The following MTMR3 variants were observed in gnomAD, a reference collection of about 807,000 sequenced individuals.
MTMR3 encodes myotubularin related protein 3, also known as phosphatidylinositol-3,5-bisphosphate 3-phosphatase MTMR3.
A neutral mutation model predicts 132.4 loss-of-function variants in MTMR3; 32 were observed. That is an observed-to-expected ratio of 0.24 (90% confidence interval 0.18 to 0.32). MTMR3 has a LOEUF of 0.32. Among genes scored for constraint, MTMR3 ranks in the 10% least tolerant of loss-of-function variants. MTMR3 has a pLI of 1.00. For missense variants in MTMR3, 1,216 were observed against 1,489.6 expected, an observed-to-expected ratio of 0.82 and a Z score of 3.02; for synonymous variants, 556 against 550.3, an observed-to-expected ratio of 1.01 and a Z score of -0.14.
At chr22:29,994,449 A>G (rs896092169) in intron 7 of MTMR3, 4 of 151,182 alleles carry the variant, frequency 2.6e-5, no homozygotes, top group Non-Finnish European at 4.4e-5. Flanking sequence ...TTCTTTTGTC[A>G]TTACCTCATG....
At chr22:30,016,411 C>G in intron 14 of MTMR3, 117 bp from the exon 15 acceptor site, 1 of 1,215,146 alleles carries the variant, frequency 8.2e-7, no homozygotes, top group South Asian at 1.5e-5. Context: ...GTTCCCCGTC[C>G]TGACAGAGTA....
At chr22:29,884,259 CAAACA>C (rs3049965) in intron 1 of MTMR3, among the ~76,000 whole-genome samples, 130 of 151,782 alleles carry the variant, frequency 8.6e-4, no homozygotes, top group African/African-American at 2.0e-3. Context: ...ACAACCCAAA[CAAACA>C]AAACAAAACA....
chr22:29,998,994 T>A, intron 8 of MTMR3, 137 bp downstream of exon 8: 1 of 539,302 alleles, frequency 1.9e-6, no homozygotes, highest in Non-Finnish European at 3.2e-6. Context: ...GGCATGATCT[T>A]CAGAGTATTT....
chr22:29,902,208 T>TA (rs1159415886), intron 1 of MTMR3, among the ~76,000 whole-genome samples: 1 of 152,174 alleles, frequency 6.6e-6, no homozygotes, highest in Non-Finnish European at 1.5e-5. Flanking sequence ...TAAATAATCT[T>TA]ATAATATAAA....
In MTMR3 at chr22:29,999,101, G is replaced by C. The variant is rs930969095; in HGVS notation, c.557+244G>C. ...TCCCTTTTACCCCCTCTAGGCCTCT[G>C]TTTTTTCTGGTACATGCATGTCTAA... On this transcript the variant is annotated intron_variant, in intron 8 of 19. Coordinates refer to ENST00000401950, the MANE Select transcript of MTMR3 (RefSeq NM_021090.4). 4 of 254,920 alleles carry C rather than the reference G, an allele frequency of 1.6e-5. No individual in the cohort carries two copies. The Admixed American group carries it at 1.6e-4, about 10-fold the overall frequency. The allele number at this position is 254,920 out of a possible 1,614,324, so 15.8% of individuals were successfully genotyped here.
At chr22:29,984,151 C>T (rs1351926277) in intron 5 of MTMR3, 2 of 151,814 alleles carry the variant, frequency 1.3e-5, no homozygotes, top group African/African-American at 2.4e-5. Flanking sequence ...GATTTTTGTG[C>T]CCAGATATTC....
chr22:30,017,432 C>CT (rs1171882204), intron 15 of MTMR3: 2 of 159,528 alleles, frequency 1.3e-5, no homozygotes, highest in Admixed American at 1.3e-4. Context: ...TGTCTCTCCC[C>CT]TTCAGTGTGC....
intron 1 of MTMR3, among the ~76,000 whole-genome samples, chr22:29,935,897 C>T (rs541330514): frequency 4.6e-5 from 7 of 152,098 alleles, no homozygotes; most frequent in African/African-American, 1.2e-4. Flanking sequence ...GGACTATAGG[C>T]GCCCGCCACC....
chr22:30,001,834 T>C (rs1187781942), intron 8 of MTMR3: 3 of 152,208 alleles, frequency 2.0e-5, no homozygotes, highest in African/African-American at 7.2e-5. Flanking sequence ...TTCTCTTTTG[T>C]TCAGTGGCTT....
intron 2 of MTMR3, among the ~76,000 whole-genome samples, chr22:29,959,757 T>TA (rs1311861689): frequency 7.0e-6 from 1 of 142,598 alleles, no homozygotes; most frequent in African/African-American, 2.5e-5. Context: ...GTAAAAGTGT[T>TA]AATTTTTTTT....
chr22:29,885,081 C>G (rs2064644978), intron 1 of MTMR3, among the ~76,000 whole-genome samples: 3 of 152,162 alleles, frequency 2.0e-5, no homozygotes, highest in Non-Finnish European at 2.9e-5. Context: ...TTTCTCAGCT[C>G]ATAGGCCAGG....
intron 19 of MTMR3, 136 bp from the exon 20 acceptor site, chr22:30,025,494 A>G (rs1026343886): frequency 7.0e-6 from 6 of 852,806 alleles, no homozygotes; most frequent in Middle Eastern, 2.5e-4. Context: ...CCTGGGCTAG[A>G]GAGATGAAAG....
intron 2 of MTMR3, among the ~76,000 whole-genome samples, chr22:29,965,253 TTGAC>T (rs769293671): frequency 2.0e-5 from 3 of 152,012 alleles, no homozygotes; most frequent in East Asian, 1.9e-4. Context: ...TTGGTAAATT[TTGAC>T]TGACTGCAGT....
chr22:30,001,711 AG>A, intron 8 of MTMR3: 1 of 152,208 alleles, frequency 6.6e-6, no homozygotes, highest in Non-Finnish European at 1.5e-5. Context: ...TACATAATAA[AG>A]GGAATGAGAT....
intron 1 of MTMR3, among the ~76,000 whole-genome samples, chr22:29,943,055 T>C (rs946086801): frequency 1.3e-5 from 2 of 152,228 alleles, no homozygotes; most frequent in Admixed American, 6.5e-5. Context: ...AAGACAGGTG[T>C]AAGAAATTAT....
chr22:29,913,780 C>A (rs958301841), intron 1 of MTMR3, among the ~76,000 whole-genome samples: 2 of 151,078 alleles, frequency 1.3e-5, no homozygotes, highest in African/African-American at 2.4e-5. Context: ...GAGACGGAGT[C>A]TCGCTCTGTC....
At chr22:30,000,364 G>C (rs953262133) in intron 8 of MTMR3, 1 of 152,160 alleles carries the variant, frequency 6.6e-6, no homozygotes, top group Non-Finnish European at 1.5e-5. Context: ...GGGAGGCTGA[G>C]GCGGGAGAAT....
Position 30,026,754 on chromosome 22 carries a change from G to A in MTMR3, c.*953G>A, listed in dbSNP as rs2067918756. 1 of 152,906 alleles carries A rather than the reference G, an allele frequency of 6.5e-6. No homozygotes were observed. 9.5% of individuals were successfully genotyped at this position (152,906 alleles called of 1,614,324 possible). A position where few individuals can be genotyped will look rare whatever the true frequency, so the allele number is the denominator to read the frequency against. On this transcript the variant is annotated 3_prime_UTR_variant, in exon 20 of 20. Transcript: ENST00000401950. ...AGGGAAATCCAGACTCAGGGTTCCA[G>A]AAATCCCCCGTTCCCAAACCAAACC...
chr22:29,886,738 T>G (rs1293029305), intron 1 of MTMR3, among the ~76,000 whole-genome samples: 1 of 152,244 alleles, frequency 6.6e-6, no homozygotes, highest in Non-Finnish European at 1.5e-5. Flanking sequence ...GTGCTTCCGA[T>G]GTTGAATGTA....
Sources: allele counts gnomAD v4.1 joint callset (sites outside exome capture counted in the v4.1 genomes callset), GRCh38; gene constraint gnomAD v4.1.1; transcripts MANE v1.5; gene names NCBI Gene and HGNC (gene_info 2026-07-23, HGNC 2026-07-21).